The following COA1 variants were observed in gnomAD, a reference collection of about 807,000 sequenced individuals.
COA1 encodes the protein cytochrome c oxidase assembly factor 1, also known as cytochrome c oxidase assembly factor 1 homolog.
COA1 carries 13 observed loss-of-function variants against 16.0 expected under a neutral mutation model. That is an observed-to-expected ratio of 0.81 (90% confidence interval 0.53 to 1.29). The LOEUF is 1.29. Ranked by LOEUF, COA1 falls within the 50% of genes most tolerant of loss-of-function variation. The pLI is 0.00. For missense variants in COA1, 179 were observed against 177.0 expected, an observed-to-expected ratio of 1.01 and a Z score of -0.06; for synonymous variants, 65 against 65.7, an observed-to-expected ratio of 0.99 and a Z score of 0.05.
intron 1 of COA1, among the ~76,000 whole-genome samples, chr7:43,663,778 A>T (rs765954204): frequency 6.6e-6 from 1 of 151,868 alleles, no homozygotes; most frequent in Non-Finnish European, 1.5e-5. Flanking sequence ...TTTTATTAAT[A>T]TCTTCTATGA....
intron 1 of COA1, among the ~76,000 whole-genome samples, chr7:43,717,299 C>T (rs1100407): frequency 0.56 from 85,229 of 152,028 alleles, 25,679 homozygotes; most frequent in African/African-American, 0.8. Flanking sequence ...CCCTGCAAAG[C>T]CACAGGGGTG....
intron 1 of COA1, among the ~76,000 whole-genome samples, chr7:43,696,261 C>G (rs2094522491): frequency 6.6e-6 from 1 of 152,184 alleles, no homozygotes; most frequent in African/African-American, 2.4e-5. Flanking sequence ...ATGCCAGATG[C>G]TTATAAAACC....
intron 6 of COA1, chr7:43,623,028 C>T (rs2084086028): frequency 6.6e-6 from 1 of 152,656 alleles, no homozygotes; most frequent in Non-Finnish European, 1.5e-5. Context: ...ACTTAGTTGC[C>T]TTTGTCCCAT....
chr7:43,725,277 T>C (rs1427664913), intron 1 of COA1, among the ~76,000 whole-genome samples: 3 of 151,016 alleles, frequency 2.0e-5, no homozygotes, highest in Non-Finnish European at 4.4e-5. Context: ...GTTCTGGAGA[T>C]AGATGGTGGT....
intron 1 of COA1, chr7:43,648,857 G>A (rs982086839): frequency 1.7e-5 from 9 of 518,824 alleles, no homozygotes; most frequent in South Asian, 1.3e-4. Flanking sequence ...CAAAGCCTGC[G>A]GGTTTCCTGT....
intron 1 of COA1, among the ~76,000 whole-genome samples, chr7:43,689,736 T>C (rs895847937): frequency 6.6e-5 from 10 of 152,234 alleles, no homozygotes; most frequent in East Asian, 3.9e-4. Context: ...ATGTGACAAA[T>C]AGCACAAGGG....
At chr7:43,678,143 C>T (rs2093618117) in intron 1 of COA1, among the ~76,000 whole-genome samples, 1 of 152,118 alleles carries the variant, frequency 6.6e-6, no homozygotes, top group Non-Finnish European at 1.5e-5. Flanking sequence ...CTGTTGAAAA[C>T]AACTTAGTAA....
intron 1 of COA1, among the ~76,000 whole-genome samples, chr7:43,686,617 A>G (rs2094047954): frequency 6.6e-6 from 1 of 152,242 alleles, no homozygotes; most frequent in Admixed American, 6.5e-5. Context: ...TTAATAAATT[A>G]GAGAAAGGAA....
chr7:43,624,414 C>T lies in COA1; in HGVS notation c.*134-14919G>A, dbSNP rs1439246396. On this transcript the variant is annotated intron_variant and NMD_transcript_variant, in intron 6 of 6. Coordinates refer to the COA1 transcript ENST00000415076. ...GGAATCACAGTAAGATTTTTGCCAACTTGTCAGACTTCCCAAAATATAATG... is the reference window on the plus strand; with the variant it reads ...GGAATCACAGTAAGATTTTTGCCAATTTGTCAGACTTCCCAAAATATAATG... 3 of 1,185,402 alleles carry T rather than the reference C, an allele frequency of 2.5e-6. No individual in the cohort carries two copies. The African/African-American group carries it at 4.7e-5, about 18-fold the overall frequency. The allele number at this position is 1,185,402 out of a possible 1,614,324, so 73.4% of individuals were successfully genotyped here. A position where few individuals can be genotyped will look rare whatever the true frequency, so the allele number is the denominator to read the frequency against.
downstream of COA1, among the ~76,000 whole-genome samples, chr7:43,636,995 G>C (rs1205858638): frequency 1.3e-5 from 2 of 152,174 alleles, no homozygotes. Flanking sequence ...TCTACACGCT[G>C]TCCAAACTGG....
intron 6 of COA1, chr7:43,624,956 C>T: frequency 1.0e-6 from 1 of 970,884 alleles, no homozygotes; most frequent in South Asian, 2.0e-5. Context: ...ATCACTTACA[C>T]AAACAAAAAT....
intron 1 of COA1, among the ~76,000 whole-genome samples, chr7:43,724,312 G>C (rs575300011): frequency 5.3e-5 from 8 of 152,198 alleles, no homozygotes; most frequent in Non-Finnish European, 7.4e-5. Context: ...CAGCACTTTG[G>C]GACACTGAGG....
At chr7:43,680,624 T>G (rs946672297) in intron 1 of COA1, among the ~76,000 whole-genome samples, 5 of 152,202 alleles carry the variant, frequency 3.3e-5, no homozygotes, top group African/African-American at 1.2e-4. Context: ...TTATTTTCAT[T>G]AATTTTGCCT....
intron 1 of COA1, among the ~76,000 whole-genome samples, chr7:43,669,461 A>T (rs1044271220): frequency 6.6e-6 from 1 of 151,986 alleles, no homozygotes; most frequent in Non-Finnish European, 1.5e-5. Flanking sequence ...CCGCCCCCAC[A>T]TATCCCCATA....
intron 1 of COA1, among the ~76,000 whole-genome samples, chr7:43,686,305 C>CTTTTT (rs770784003): frequency 2.4e-5 from 3 of 126,108 alleles, no homozygotes; most frequent in African/African-American, 8.9e-5. Context: ...GGCTTTGTTT[C>CTTTTT]TTTTTTTTTT....
At chr7:43,661,646 A>AAG (rs1336743578) in intron 1 of COA1, among the ~76,000 whole-genome samples, 3 of 147,688 alleles carry the variant, frequency 2.0e-5, no homozygotes, top group South Asian at 2.1e-4. Context: ...CAAAAAAAAA[A>AAG]AAAAGAGACA....
chr7:43,717,282 G>T (rs1215478760), intron 1 of COA1, among the ~76,000 whole-genome samples: 1 of 152,178 alleles, frequency 6.6e-6, no homozygotes, highest in African/African-American at 2.4e-5. Context: ...CCTGGAGGGA[G>T]GCTATGCCCT....
intron 1 of COA1, among the ~76,000 whole-genome samples, chr7:43,721,710 G>A (rs1420547581): frequency 6.6e-6 from 1 of 151,942 alleles, no homozygotes; most frequent in Non-Finnish European, 1.5e-5. Context: ...TCCTGACTAT[G>A]GTGTTGGTTA....
At position 43,625,104 on chromosome 7, in the gene COA1, T is replaced by A. The variant is rs191259928; in HGVS notation, c.*133+14345A>T. ...TGGCACCTTTGAATTCTACATCCTG[T>A]TTCTCCAGAATGAGAATTTGTGTAC... is the stretch of plus-strand genomic sequence containing the variant. On this transcript the variant is annotated intron_variant and NMD_transcript_variant, in intron 6 of 6. Transcript: ENST00000415076. 529 of 311,528 alleles carry A rather than the reference T, an allele frequency of 1.7e-3. 2 individuals are homozygous for A. Among genetic ancestry groups the A allele is most frequent in the Admixed American group, 4.0e-3 (88 of 21,776 alleles). The allele number at this position is 311,528 out of a possible 1,614,324, so 19.3% of individuals were successfully genotyped here.
Sources: gnomAD v4.1 joint callset for allele counts (sites outside exome capture counted in the v4.1 genomes callset) on GRCh38, gnomAD v4.1.1 for gene constraint, MANE v1.5 for transcripts, NCBI Gene and HGNC (gene_info 2026-07-23, HGNC 2026-07-21) for gene names.